Variants in OPHN1 observed in about 807,000 individuals in gnomAD.
OPHN1 encodes the protein oligophrenin-1.
In OPHN1, 11 loss-of-function variants were observed where a neutral mutation model predicts 60.7. The ratio of observed to expected loss-of-function variants is 0.18; its 90% CI spans 0.11 to 0.30. The LOEUF (loss-of-function observed/expected upper bound fraction) is 0.30, where lower values mean the gene tolerates loss of function less well. Ranked by LOEUF, OPHN1 falls within the 10% of genes least tolerant of loss-of-function variation. OPHN1 has a pLI of 1.00. For synonymous variants in OPHN1, 226 were observed against 222.6 expected, an observed-to-expected ratio of 1.02 and a Z score of -0.14; for missense variants, 449 against 611.0, an observed-to-expected ratio of 0.73 and a Z score of 2.80.
chrX:68,238,711 C>T (rs2077765014), intron 5 of OPHN1, among the ~76,000 whole-genome samples: 2 of 111,400 alleles, frequency 1.8e-5, no homozygotes, highest in South Asian at 7.4e-4. Context: ...CTTCACAGGG[C>T]ATGAGACTGG....
chrX:68,271,348 A>G (rs1602288129), intron 5 of OPHN1, among the ~76,000 whole-genome samples: 1 of 107,190 alleles, frequency 9.3e-6, no homozygotes, highest in East Asian at 3.0e-4. Flanking sequence ...CAACATGGCG[A>G]AACCCTATCT....
chrX:68,221,082 A>C (rs1460800671), intron 6 of OPHN1, among the ~76,000 whole-genome samples: 18 of 100,323 alleles, frequency 1.8e-4, no homozygotes, highest in Admixed American at 1.0e-3. Context: ...ACTTCAGCAA[A>C]GTCTCAGGAT....
intron 23 of OPHN1, among the ~76,000 whole-genome samples, chrX:68,049,022 T>C (rs1336747602): frequency 2.7e-5 from 3 of 111,457 alleles, no homozygotes; most frequent in Non-Finnish European, 5.7e-5. Context: ...CTCTCCAGTC[T>C]GTTTACACTT....
intron 11 of OPHN1, among the ~76,000 whole-genome samples, 172 bp downstream of exon 11, chrX:68,201,447 G>A (rs541329981): frequency 2.7e-5 from 3 of 111,753 alleles, no homozygotes; most frequent in African/African-American, 9.7e-5. Flanking sequence ...AGGTCTAGCA[G>A]GGATCCCTGG....
intron 20 of OPHN1, 59 bp downstream of exon 20, chrX:68,073,093 C>A: frequency 8.7e-7 from 1 of 1,149,231 alleles, no homozygotes; most frequent in Non-Finnish European, 1.2e-6. Context: ...TTCTGCCCTT[C>A]GATATCCTCT....
intron 19 of OPHN1, among the ~76,000 whole-genome samples, chrX:68,074,389 G>A (rs1275682450): frequency 9.0e-6 from 1 of 111,712 alleles, no homozygotes; most frequent in Non-Finnish European, 1.9e-5. Context: ...TTAATGTTGA[G>A]GCCATACGGT....
At chrX:68,251,786 C>T in intron 5 of OPHN1, among the ~76,000 whole-genome samples, 1 of 111,579 alleles carries the variant, frequency 9.0e-6, no homozygotes, top group Non-Finnish European at 1.9e-5. Context: ...TCTCACTCTC[C>T]ATCAGAGTAT....
chrX:68,081,532 A>G (rs181034666), intron 19 of OPHN1, among the ~76,000 whole-genome samples: 69 of 112,249 alleles, frequency 6.1e-4, no homozygotes, highest in African/African-American at 2.1e-3. Flanking sequence ...TATGTATCAC[A>G]ATAAACTGAG....
chrX:68,373,851 T>C (rs754014935), intron 2 of OPHN1, among the ~76,000 whole-genome samples: 9 of 111,357 alleles, frequency 8.1e-5, no homozygotes, highest in Non-Finnish European at 1.7e-4. Flanking sequence ...GGTTAAGTGA[T>C]TTCTAAGTTG....
intron 5 of OPHN1, among the ~76,000 whole-genome samples, chrX:68,243,489 G>C (rs1365926645): frequency 3.6e-5 from 4 of 111,647 alleles, no homozygotes; most frequent in Non-Finnish European, 7.5e-5. Context: ...CCAGGTTCAA[G>C]CAATTCTCTT....
intron 18 of OPHN1, among the ~76,000 whole-genome samples, chrX:68,107,654 T>G (rs2077087151): frequency 9.0e-6 from 1 of 110,769 alleles, no homozygotes; most frequent in Non-Finnish European, 1.9e-5. Context: ...TTTTTGTGTT[T>G]TTGTGGAGAC....
chrX:68,182,631 C>T, intron 15 of OPHN1, among the ~76,000 whole-genome samples: 1 of 111,908 alleles, frequency 8.9e-6, no homozygotes, highest in Admixed American at 9.5e-5. Context: ...GAGGGTCTGG[C>T]CGGGCGCAGT....
intron 2 of OPHN1, among the ~76,000 whole-genome samples, chrX:68,409,193 A>G (rs1431699768): frequency 9.0e-6 from 1 of 111,513 alleles, no homozygotes; most frequent in Non-Finnish European, 1.9e-5. Flanking sequence ...CATTTCACAT[A>G]TAGGGAAATT....
intron 2 of OPHN1, among the ~76,000 whole-genome samples, chrX:68,385,765 A>T (rs1252298560): frequency 8.9e-6 from 1 of 112,283 alleles, no homozygotes; most frequent in Non-Finnish European, 1.9e-5. Context: ...GATGTTTCTT[A>T]ACAACCATTT....
intron 2 of OPHN1, among the ~76,000 whole-genome samples, chrX:68,366,222 T>A (rs1199331507): frequency 2.7e-5 from 3 of 111,040 alleles, no homozygotes; most frequent in Non-Finnish European, 5.7e-5. Flanking sequence ...TCTCTAGGCC[T>A]AGCTGCCTTG....
intron 2 of OPHN1, among the ~76,000 whole-genome samples, chrX:68,396,266 A>G (rs1437812500): frequency 1.1e-4 from 11 of 101,878 alleles, no homozygotes; most frequent in Admixed American, 9.7e-4. Flanking sequence ...GGCTGTCTCT[A>G]CAAAAAAAAA....
chrX:68,194,469 T>G lies in OPHN1; in HGVS notation c.1134A>C (p.Gln378His). 7.5e-6 allele frequency: 9 copies of G among 1,208,045 alleles called. No homozygotes were observed. Among genetic ancestry groups the G allele is most frequent in the Non-Finnish European group, 1.0e-5 (9 of 892,152 alleles). The change falls in exon 13 of 25, where the codon CAA (glutamine) becomes CAC (histidine). Residue 378 changes from glutamine (Q) to histidine (H), a missense_variant. Physicochemically the swap from Gln to His is conservative, Grantham distance 24. This residue lies in a region of OPHN1 where 166 missense variants were observed against 278.4 expected (regional missense o/e 0.60). Coordinates refer to ENST00000355520, the MANE Select transcript of OPHN1 (RefSeq NM_002547.3). ...CCAAAAACTTAAGTGACTCACTTTC[T>G]TGCTGTTTTGTTATAGGGCTGTGGT... ...PIYHSPITKQ[Q>H]EMELNEVGFK...
rs1306496817 is a variant in OPHN1, at chrX:68,317,501, GGGAGGGAA to G, written c.155-18413_155-18406del. Among the ~76,000 whole-genome samples the G allele has an allele frequency of 1.6e-4, 13 of 81,214 alleles. 1 individual carries two copies. Among genetic ancestry groups the G allele is most frequent in the African/African-American group, 6.6e-4 (12 of 18,091 alleles). 70.5% of individuals were successfully genotyped at this position (81,214 alleles called of 115,157 possible). A position where few individuals can be genotyped will look rare whatever the true frequency, so the allele number is the denominator to read the frequency against. ...AGGAAGGGAGAGAGGGAGGGAGAGA[GGGAGGGAA>G]AGAGAGAGAGAAAGAAAGAAAGAAA... On this transcript the variant is annotated intron_variant, in intron 2 of 24. Transcript: ENST00000355520.
chrX:68,139,504 A>G (rs2077233777), intron 15 of OPHN1, among the ~76,000 whole-genome samples: 1 of 111,506 alleles, frequency 9.0e-6, no homozygotes, highest in Non-Finnish European at 1.9e-5. Flanking sequence ...GAGGTTCTTT[A>G]TATTATCCTC....
Sources: gnomAD v4.1 joint callset for allele counts (sites outside exome capture counted in the v4.1 genomes callset) on GRCh38, gnomAD v4.1.1 for gene constraint, gnomAD v4.1.1 regional missense constraint, MANE v1.5 for transcripts, NCBI Gene and HGNC (gene_info 2026-07-23, HGNC 2026-07-21) for gene names.